The following WDR75 variants were observed in gnomAD, a reference collection of about 807,000 sequenced individuals.
WDR75 encodes the protein WD repeat-containing protein 75.
Under a neutral mutation model 106.1 loss-of-function variants are expected in WDR75, and 52 were observed. The observed-to-expected ratio is 0.49, with a 90% CI of 0.39 to 0.62. The LOEUF is 0.62. Among genes scored for constraint, WDR75 ranks in the 20% least tolerant of loss-of-function variants. The probability of loss-of-function intolerance (pLI) is 0.00; values close to 1 mark genes in which losing one functional copy is unlikely to be tolerated. For missense variants in WDR75, 905 were observed against 970.3 expected, an observed-to-expected ratio of 0.93 and a Z score of 0.89; for synonymous variants, 333 against 335.5, an observed-to-expected ratio of 0.99 and a Z score of 0.08.
chr2:189,468,664 G>T, intron 15 of WDR75, 95 bp downstream of exon 15: 1 of 1,254,220 alleles, frequency 8.0e-7, no homozygotes, highest in South Asian at 1.3e-5. Context: ...ATATCATCAG[G>T]TCTGTACTTG....
intron 3 of WDR75, 127 bp from the exon 4 acceptor site, chr2:189,451,678 G>A (rs1574190399): frequency 1.4e-6 from 1 of 721,414 alleles, no homozygotes; most frequent in East Asian, 2.5e-5. Context: ...TCTTCTGTAG[G>A]CCAGGTACTC....
intron 11 of WDR75, among the ~76,000 whole-genome samples, chr2:189,464,744 T>TG (rs1224215032): frequency 6.6e-6 from 1 of 152,140 alleles, no homozygotes; most frequent in East Asian, 1.9e-4. Flanking sequence ...CTTGAGATGA[T>TG]GTAAAGCTGT....
chr2:189,456,610 G>A (rs964472364), intron 5 of WDR75, among the ~76,000 whole-genome samples: 1 of 152,040 alleles, frequency 6.6e-6, no homozygotes, highest in Non-Finnish European at 1.5e-5. Context: ...CAGATAGGTG[G>A]GATGGAAACA....
At chr2:189,451,774 AG>A (rs746340924) in intron 3 of WDR75, 30 bp from the exon 4 acceptor site, 1 of 1,585,896 alleles carries the variant, frequency 6.3e-7, no homozygotes. Context: ...GGGAACAGAC[AG>A]TAAACACTAT....
In WDR75 at chr2:189,465,274, C is replaced by T; in HGVS notation, c.1289+20C>T. On this transcript the variant is annotated intron_variant, in intron 12 of 20. Transcript: ENST00000314761. ...ACAAGGGTAATACTATCTGTGTAGC[C>T]ACTTAATTTCAAAGTATAAAATATT... 1.3e-6 allele frequency: 2 copies of T among 1,555,284 alleles called. No individual in the cohort carries two copies. The highest frequency in any genetic ancestry group is 1.7e-6 in the Non-Finnish European group (2 of 1,148,790).
At chr2:189,462,129 G>C (rs761068831) in intron 8 of WDR75, among the ~76,000 whole-genome samples, 1 of 151,698 alleles carries the variant, frequency 6.6e-6, no homozygotes, top group African/African-American at 2.4e-5. Flanking sequence ...TTCATCTGTC[G>C]TGAAATCGGC....
At chr2:189,466,315 AGTTGCCT>A in intron 12 of WDR75, 103 bp from the exon 13 acceptor site, 1 of 1,171,314 alleles carries the variant, frequency 8.5e-7, no homozygotes, top group Non-Finnish European at 1.2e-6. Flanking sequence ...CGTGATTATC[AGTTGCCT>A]GTTGTTCAAG....
intron 2 of WDR75, chr2:189,450,499 T>C: frequency 3.4e-6 from 3 of 894,988 alleles, no homozygotes; most frequent in African/African-American, 3.7e-5. Context: ...CCTGGCTAAT[T>C]TTTGTAGGGG....
chr2:189,446,692 A>G (rs1473193704), intron 1 of WDR75, among the ~76,000 whole-genome samples: 2 of 152,166 alleles, frequency 1.3e-5, no homozygotes, highest in African/African-American at 4.8e-5. Flanking sequence ...ATGTTCCAGG[A>G]CCCTCAGTGG....
At chr2:189,450,619 T>G in intron 2 of WDR75, 1 of 1,197,996 alleles carries the variant, frequency 8.3e-7, no homozygotes, top group Non-Finnish European at 1.0e-6. Context: ...ACCTTGGTGC[T>G]TTTCATATCT....
At chr2:189,443,479 ATTC>A (rs1686430171) in intron 1 of WDR75, among the ~76,000 whole-genome samples, 1 of 152,176 alleles carries the variant, frequency 6.6e-6, no homozygotes, top group South Asian at 2.1e-4. Context: ...TGGTTTTTTA[ATTC>A]TTTAAGGGGA....
chr2:189,468,642 G>A lies in WDR75; in HGVS notation c.1723+73G>A, dbSNP rs1687053739. 4.1e-6 allele frequency: 6 copies of A among 1,454,214 alleles called. No homozygotes were observed. In the African/African-American group the frequency reaches 4.2e-5, roughly 10 times the overall value. The allele number at this position is 1,454,214 out of a possible 1,614,324, so 90.1% of individuals were successfully genotyped here. The stretch of plus-strand genomic sequence containing the variant: ...TTGACATTAAACTTTGGCATTTTAG[G>A]ACTTAGGGATCATATCATCAGGTCT... On this transcript the variant is annotated intron_variant, in intron 15 of 20. Transcript: ENST00000314761.
intron 4 of WDR75, among the ~76,000 whole-genome samples, chr2:189,452,852 A>G (rs1293883622): frequency 6.6e-6 from 1 of 152,196 alleles, no homozygotes; most frequent in Non-Finnish European, 1.5e-5. Flanking sequence ...AATGAAGAAT[A>G]TGAAGCAGCT....
rs181593974 is a variant in WDR75, at chr2:189,468,693, G to A, written c.1723+124G>A. The A allele has an allele frequency of 6.2e-4, 565 of 911,714 alleles. 5 individuals carry two copies. In the East Asian group the frequency reaches 0.011, roughly 19 times the overall value. 56.5% of individuals were successfully genotyped at this position (911,714 alleles called of 1,614,324 possible). A position where few individuals can be genotyped will look rare whatever the true frequency, so the allele number is the denominator to read the frequency against. On this transcript the variant is annotated intron_variant, in intron 15 of 20. Coordinates refer to ENST00000314761, the MANE Select transcript of WDR75 (RefSeq NM_032168.3). The stretch of plus-strand genomic sequence containing the variant: ...GTACTTGGAATAGTCAGTTTTTTAC[G>A]TGACATATGATGCCACCAAAATTTG...
At chr2:189,445,580 G>C (rs955278872) in intron 1 of WDR75, among the ~76,000 whole-genome samples, 2 of 152,158 alleles carry the variant, frequency 1.3e-5, no homozygotes, top group Non-Finnish European at 2.9e-5. Context: ...TGACAACTAA[G>C]GTGGTATGCT....
chr2:189,469,906 G>A (rs1687082749), intron 16 of WDR75, among the ~76,000 whole-genome samples, 170 bp from the exon 17 acceptor site: 1 of 152,030 alleles, frequency 6.6e-6, no homozygotes, highest in Non-Finnish European at 1.5e-5. Context: ...AACCTGCCTG[G>A]CCCATAGTAG....
At chr2:189,469,853 C>T (rs1687081962) in intron 16 of WDR75, among the ~76,000 whole-genome samples, 1 of 152,108 alleles carries the variant, frequency 6.6e-6, no homozygotes, top group South Asian at 2.1e-4. Context: ...CTCTGGAGCA[C>T]GAATTCTTCT....
At chr2:189,460,854 A>G (rs977675864) in intron 8 of WDR75, among the ~76,000 whole-genome samples, 2 of 152,110 alleles carry the variant, frequency 1.3e-5, no homozygotes, top group Non-Finnish European at 2.9e-5. Flanking sequence ...AATATTTTTA[A>G]ATGAGAAATA....
At chr2:189,442,706 T>G (rs915770778) in intron 1 of WDR75, among the ~76,000 whole-genome samples, 21 of 152,080 alleles carry the variant, frequency 1.4e-4, no homozygotes, top group African/African-American at 4.6e-4. Flanking sequence ...CACCTGAACC[T>G]CCCAAAGTGC....
Sources: gnomAD v4.1 joint callset for allele counts (sites outside exome capture counted in the v4.1 genomes callset) on GRCh38, gnomAD v4.1.1 for gene constraint, MANE v1.5 for transcripts, NCBI Gene and HGNC (gene_info 2026-07-23, HGNC 2026-07-21) for gene names.